The following PTPRF variants were observed in gnomAD, a reference collection of about 807,000 sequenced individuals.
The protein encoded by PTPRF is receptor-type tyrosine-protein phosphatase F.
In PTPRF, 59 loss-of-function variants were observed where a neutral mutation model predicts 201.8. The ratio of observed to expected loss-of-function variants is 0.29; its 90% CI spans 0.24 to 0.36. PTPRF has a LOEUF of 0.36. Ranked by LOEUF, PTPRF falls within the 10% of genes least tolerant of loss-of-function variation. The probability of loss-of-function intolerance (pLI) is 1.00; values close to 1 mark genes in which losing one functional copy is unlikely to be tolerated. For synonymous variants in PTPRF, 1,088 were observed against 1,089.7 expected (o/e 1.00, Z 0.03); for missense variants, 2,132 against 2,690.5 (o/e 0.79, Z 4.59).
At chr1:43,579,406 G>T in intron 7 of PTPRF, 1 of 358,528 alleles carries the variant, frequency 2.8e-6, no homozygotes, top group Non-Finnish European at 5.5e-6. Flanking sequence ...AACGGACCAG[G>T]CCAGGTGAGC....
intron 2 of PTPRF, among the ~76,000 whole-genome samples, chr1:43,543,848 G>A (rs1380121215): frequency 2.6e-5 from 4 of 152,184 alleles, no homozygotes; most frequent in Non-Finnish European, 2.9e-5. Context: ...GCTCTGTTGC[G>A]TCTTCACAGC....
At position 43,553,994 on chromosome 1, in the gene PTPRF, GA is replaced by G; in HGVS notation, c.379+54del. ...GGGCTGCCGGGCTGAGGCGTGGGAA[GA>G]GCCAGCCAGCCCTGATCCTGTCCTG... On this transcript the variant is annotated intron_variant, in intron 5 of 33. Transcript: ENST00000359947. The surrounding 1 kb of genome is among the most constrained non-coding windows in gnomAD (Gnocchi z 4.1). The G allele has an allele frequency of 4.4e-6, 7 of 1,602,196 alleles. No homozygotes were observed. The highest frequency in any genetic ancestry group is 6.0e-6 in the Non-Finnish European group (7 of 1,172,788).
chr1:43,605,904 C>T (rs148789121), intron 19 of PTPRF, among the ~76,000 whole-genome samples: 4 of 152,340 alleles, frequency 2.6e-5, no homozygotes, highest in African/African-American at 7.2e-5. Flanking sequence ...CACTGCAGAG[C>T]CTCGCAGATC....
chr1:43,567,277 A>G lies in PTPRF; in HGVS notation c.380-2313A>G, dbSNP rs56341720. On this transcript the variant is annotated intron_variant, in intron 5 of 33. Transcript: ENST00000359947. ...CTCAGGCCTTCCTATGGAAGCAAGCAGCAGCTGGGCCAAAGGAGGCTGATC... is the reference window on the plus strand; with the variant it reads ...CTCAGGCCTTCCTATGGAAGCAAGCGGCAGCTGGGCCAAAGGAGGCTGATC... Among the ~76,000 whole-genome samples, 974 of 152,268 alleles carry G rather than the reference A, an allele frequency of 6.4e-3. 5 individuals carry two copies. Among genetic ancestry groups the G allele is most frequent in the Non-Finnish European group, 7.4e-3 (505 of 68,020 alleles).
At chr1:43,594,981 G>A (rs190756196) in intron 11 of PTPRF, among the ~76,000 whole-genome samples, 5 of 152,278 alleles carry the variant, frequency 3.3e-5, no homozygotes, top group South Asian at 4.1e-4. Context: ...GCTGCTGAGC[G>A]GTCAGGAGTA....
Position 43,542,826 on chromosome 1 carries a change from A to T in PTPRF, c.-45-2205A>T, listed in dbSNP as rs1570937956. 6.6e-6 allele frequency among the ~76,000 whole-genome samples: 1 copy of T among 152,152 alleles called. No homozygotes were observed. Among genetic ancestry groups the T allele is most frequent in the Non-Finnish European group, 1.5e-5 (1 of 68,010 alleles). ...CTATGATTACTGCACCAAGGCGGCT[A>T]CAGGGGATTAAGCCTCTGCTCATTG... On this transcript the variant is annotated intron_variant, in intron 2 of 33. Coordinates refer to ENST00000359947, the MANE Select transcript of PTPRF (RefSeq NM_002840.5). This position sits in a 1 kb window ranked among gnomAD's most constrained non-coding sequence, Gnocchi z 5.2.
At chr1:43,525,456 C>G (rs1050356431), upstream of PTPRF, among the ~76,000 whole-genome samples, 20 of 152,228 alleles carry the variant, frequency 1.3e-4, no homozygotes, top group Non-Finnish European at 2.2e-4. Flanking sequence ...AAGCTGGAAA[C>G]AGAGGCCCAG....
Position 43,605,519 on chromosome 1 carries a change from G to A in PTPRF, c.3390-10G>A. The A allele has an allele frequency of 6.2e-7, 1 of 1,614,066 alleles. No homozygotes were observed. Among genetic ancestry groups the A allele is most frequent in the Non-Finnish European group, 8.5e-7 (1 of 1,179,948 alleles). On this transcript the variant is annotated splice_polypyrimidine_tract_variant and intron_variant, in intron 18 of 33. Transcript: ENST00000359947. ...CAGTGACAGTCCTGATTCCTGCCCTGCCCACCCAGGTGGTTCTACATTGTT... is the reference window on the plus strand; with the variant it reads ...CAGTGACAGTCCTGATTCCTGCCCTACCCACCCAGGTGGTTCTACATTGTT...
In PTPRF at chr1:43,620,704, G is replaced by A. The variant is rs573068238; in HGVS notation, c.5364+125G>A. On this transcript the variant is annotated intron_variant, in intron 31 of 33. Transcript: ENST00000359947. ...GCGGTGGGTGGGTATTAGGGTGTGA[G>A]CACATCTCCCCCTGTGGCCTCGGGT... is the stretch of plus-strand genomic sequence containing the variant. The A allele has an allele frequency of 8.5e-6, 13 of 1,524,550 alleles. No homozygotes were observed. In the East Asian group the frequency reaches 1.1e-4, roughly 13 times the overall value. 94.4% of individuals were successfully genotyped at this position (1,524,550 alleles called of 1,614,324 possible).
At chr1:43,616,669 G>A (rs1657935316) in intron 23 of PTPRF, among the ~76,000 whole-genome samples, 1 of 152,122 alleles carries the variant, frequency 6.6e-6, no homozygotes, top group Non-Finnish European at 1.5e-5. Flanking sequence ...TGTAGTCCCA[G>A]CAGCAGCGCC....
At position 43,593,433 on chromosome 1, in the gene PTPRF, CTG is replaced by C. The variant is rs568686668; in HGVS notation, c.1813+835_1813+836del. ...CAGTAGACTGTGTGTGTGTGTGACTCTGTGGTTGCTGCTGGGCGTCCTGTGTG... is the reference window on the plus strand; with the variant it reads ...CAGTAGACTGTGTGTGTGTGTGACTCTGGTTGCTGCTGGGCGTCCTGTGTG... On this transcript the variant is annotated intron_variant, in intron 11 of 33. Transcript: ENST00000359947. Among the ~76,000 whole-genome samples the C allele has an allele frequency of 2.8e-3, 427 of 151,942 alleles. 3 individuals carry two copies. The highest frequency in any genetic ancestry group is 9.9e-3 in the African/African-American group (410 of 41,530).
chr1:43,559,330 G>A (rs1357451268), intron 5 of PTPRF, among the ~76,000 whole-genome samples: 1 of 152,190 alleles, frequency 6.6e-6, no homozygotes, highest in Non-Finnish European at 1.5e-5. Context: ...AGCGCGCAGT[G>A]TTTGTGTGCA....
At chr1:43,618,784 G>A (rs1658481593) in intron 26 of PTPRF, 35 bp downstream of exon 26, 1 of 1,583,772 alleles carries the variant, frequency 6.3e-7, no homozygotes, top group South Asian at 1.1e-5. Context: ...CTCTTACCCA[G>A]ACACTGTAAG....
In PTPRF at chr1:43,591,503, T is replaced by C; in HGVS notation, c.1481T>C (p.Val494Ala). The change falls in exon 9 of 34, where the codon GTG becomes GCG. Residue 494 changes from valine (V) to alanine (A), a missense_variant. Coordinates refer to ENST00000359947, the MANE Select transcript of PTPRF (RefSeq NM_002840.5). ...CTGCGCGTGCTTGCCTTCACCGCCG[T>C]GGGCGATGGCCCTCCCAGCCCCACC... ...YSLRVLAFTA[V>A]GDGPPSPTIQ... is the part of the protein sequence containing the mutation. 2 of 1,601,244 alleles carry C rather than the reference T, an allele frequency of 1.2e-6. No homozygotes were observed. Among genetic ancestry groups the C allele is most frequent in the Non-Finnish European group, 1.7e-6 (2 of 1,176,416 alleles).
At chr1:43,549,945 G>A (rs1270959011) in intron 3 of PTPRF, among the ~76,000 whole-genome samples, 1 of 152,172 alleles carries the variant, frequency 6.6e-6, no homozygotes. Flanking sequence ...AGGAACATCA[G>A]GCCCGTTGGT....
intron 6 of PTPRF, among the ~76,000 whole-genome samples, chr1:43,577,827 G>A (rs1230798296): frequency 6.6e-6 from 1 of 152,200 alleles, no homozygotes; most frequent in Non-Finnish European, 1.5e-5. Flanking sequence ...GTAATTGTCT[G>A]TTGGATTGTT....
rs1335053494 is a variant in PTPRF, at chr1:43,606,469, G to A, written c.3702+11G>A. 1.9e-6 allele frequency: 3 copies of A among 1,606,094 alleles called. No homozygotes were observed. The South Asian group carries it at 3.3e-5, about 18-fold the overall frequency. The stretch of plus-strand genomic sequence containing the variant: ...GAACCCATGGACCAGGTCTGCCTGA[G>A]CCGGCTTGGCTGTCAGCACCCTGAT... On this transcript the variant is annotated intron_variant, in intron 20 of 33. Transcript: ENST00000359947.
At chr1:43,604,392 A>C (rs931153273) in intron 16 of PTPRF, among the ~76,000 whole-genome samples, 3 of 151,732 alleles carry the variant, frequency 2.0e-5, no homozygotes, top group Non-Finnish European at 4.4e-5. Context: ...TAACCTACTG[A>C]CCTCTGCTGT....
chr1:43,613,828 C>T, intron 23 of PTPRF, 113 bp downstream of exon 23: 2 of 908,156 alleles, frequency 2.2e-6, no homozygotes, highest in Non-Finnish European at 3.6e-6. Flanking sequence ...CCAGCTTTTT[C>T]AGGAGCACAG....
Sources: gnomAD v4.1 joint callset for allele counts (sites outside exome capture counted in the v4.1 genomes callset) on GRCh38, gnomAD v4.1.1 for gene constraint, Gnocchi (gnomAD v3.1) non-coding constraint, MANE v1.5 for transcripts, NCBI Gene and HGNC (gene_info 2026-07-23, HGNC 2026-07-21) for gene names.